Variants in ERMP1 observed in about 807,000 individuals in gnomAD.
ERMP1 encodes Felix-ina.
A neutral mutation model predicts 92.0 loss-of-function variants in ERMP1; 86 were observed. That is an observed-to-expected ratio of 0.93 (90% confidence interval 0.79 to 1.12). The LOEUF is 1.12. Among genes scored for constraint, ERMP1 ranks in the 50% most tolerant of loss-of-function variants. The pLI, the probability that ERMP1 is intolerant of heterozygous loss-of-function variation, is 0.00. For missense variants in ERMP1, 1,342 were observed against 1,116.3 expected (o/e 1.20, Z -2.88); for synonymous variants, 530 against 412.8 (o/e 1.28, Z -3.44).
chr9:5,825,953 T>C (rs775420931), intron 2 of ERMP1, among the ~76,000 whole-genome samples: 4 of 152,316 alleles, frequency 2.6e-5, no homozygotes, highest in South Asian at 2.1e-4. Flanking sequence ...ATTAAAGGAA[T>C]TGATTGGATA....
intron 6 of ERMP1, among the ~76,000 whole-genome samples, chr9:5,843,388 T>C (rs1830190204): frequency 1.3e-5 from 2 of 152,192 alleles, no homozygotes; most frequent in Non-Finnish European, 2.9e-5. Context: ...CCAAAGAAAA[T>C]AGGTGTGTAA....
chr9:5,805,486 T>C (rs1586786612), intron 9 of ERMP1, 125 bp downstream of exon 9: 2 of 800,004 alleles, frequency 2.5e-6, no homozygotes, highest in Non-Finnish European at 3.8e-6. Context: ...TTGTGTGGTA[T>C]GAAAACTTTT....
At position 5,832,815 on chromosome 9, in the gene ERMP1, C is replaced by T; in HGVS notation, c.213G>A (p.Val71=). ...SRGAGTGLSE[V]RAALGLALYL... Reference sequence around the variant, plus strand: ...AGAGCGCGAGCCCCAGCGCGGCGCGCACCTCAGACAGCCCGGTCCCCGCGC... The same window carrying T: ...AGAGCGCGAGCCCCAGCGCGGCGCGTACCTCAGACAGCCCGGTCCCCGCGC... The change falls in exon 1 of 15, where the codon GTG becomes GTA. Residue 71 remains valine, a synonymous_variant. Transcript: ENST00000339450. 2.0e-6 allele frequency: 3 copies of T among 1,502,014 alleles called. No homozygotes were observed. The highest frequency in any genetic ancestry group is 2.5e-5 in the South Asian group (2 of 80,352). 93.0% of individuals were successfully genotyped at this position (1,502,014 alleles called of 1,614,324 possible). A position where few individuals can be genotyped will look rare whatever the true frequency, so the allele number is the denominator to read the frequency against.
chr9:5,833,883 T>C (rs1830045470), upstream of ERMP1, among the ~76,000 whole-genome samples: 1 of 152,192 alleles, frequency 6.6e-6, no homozygotes, highest in Non-Finnish European at 1.5e-5. Flanking sequence ...AGCAGAGCCT[T>C]GGTTTCAGTG....
chr9:5,821,880 C>A (rs931110979), intron 4 of ERMP1, among the ~76,000 whole-genome samples: 2 of 152,214 alleles, frequency 1.3e-5, no homozygotes, highest in African/African-American at 4.8e-5. Flanking sequence ...TGTCCTCTCT[C>A]CTTCAGAATT....
At chr9:5,835,396 G>C (rs1232378537), upstream of ERMP1, among the ~76,000 whole-genome samples, 3 of 152,132 alleles carry the variant, frequency 2.0e-5, no homozygotes, top group East Asian at 3.9e-4. Flanking sequence ...AGAGAGTTAA[G>C]TGCCATAAAG....
intron 5 of ERMP1, 112 bp downstream of exon 5, chr9:5,812,777 A>C (rs1829146548): frequency 8.4e-7 from 1 of 1,187,364 alleles, no homozygotes. Context: ...TATATTTCTC[A>C]CATAAAGAAT....
At position 5,786,118 on chromosome 9, in the gene ERMP1, A is replaced by AAAACT. The variant is rs1290053165; in HGVS notation, c.*1021_*1025dup. ...TCTGCTGGATAGTAAGTTACTGAGAAAAACTAATCTATTCAACTGGCTGGA... is the reference window on the plus strand; with the variant it reads ...TCTGCTGGATAGTAAGTTACTGAGAAAAACTAAACTAATCTATTCAACTGGCTGGA... On this transcript the variant is annotated 3_prime_UTR_variant, in exon 15 of 15. Transcript: ENST00000339450. 1 of 152,184 alleles carries AAAACT rather than the reference A, an allele frequency of 6.6e-6. No homozygotes were observed. The highest frequency in any genetic ancestry group is 1.5e-5 in the Non-Finnish European group (1 of 68,074). The allele number at this position is 152,184 out of a possible 1,614,324, so 9.4% of individuals were successfully genotyped here. A position where few individuals can be genotyped will look rare whatever the true frequency, so the allele number is the denominator to read the frequency against.
At chr9:5,819,103 A>G (rs987104907) in intron 4 of ERMP1, among the ~76,000 whole-genome samples, 4 of 152,262 alleles carry the variant, frequency 2.6e-5, no homozygotes, top group Admixed American at 1.3e-4. Flanking sequence ...ACGTTTACAC[A>G]AAGACTTACA....
rs1829909732 is a variant in ERMP1, at chr9:5,830,806, C to T, written c.561G>A (p.Val187=). 2 of 1,613,894 alleles carry T rather than the reference C, an allele frequency of 1.2e-6. No individual in the cohort carries two copies. Among genetic ancestry groups the T allele is most frequent in the Admixed American group, 3.3e-5 (2 of 59,998 alleles). Residue 187 remains valine, a synonymous_variant, in exon 2 of 15, where the codon GTG becomes GTA. Coordinates refer to ENST00000339450, the MANE Select transcript of ERMP1 (RefSeq NM_024896.3). The part of the protein sequence containing the change: ...TSYYDNITNV[V]VKLEPRDGAQ... ...CTCCATCTCTGGGTTCCAGCTTTAC[C>T]ACAACATTGGTGATGTTGTCATAAT...
chr9:5,829,609 G>A (rs371167826), intron 2 of ERMP1, among the ~76,000 whole-genome samples: 1 of 152,202 alleles, frequency 6.6e-6, no homozygotes, highest in Non-Finnish European at 1.5e-5. Context: ...TTACACAGAT[G>A]AGAAACTAAG....
In ERMP1 at chr9:5,787,096, G is replaced by A. The variant is rs1827971013; in HGVS notation, c.*48C>T. On this transcript the variant is annotated 3_prime_UTR_variant, in exon 15 of 15. Coordinates refer to ENST00000339450, the MANE Select transcript of ERMP1 (RefSeq NM_024896.3). ...TCCACGTAACATAGGGAGAAACCAT[G>A]TCACATGGAGTATCCACTGGGCATG... 6.6e-7 allele frequency: 1 copy of A among 1,522,102 alleles called. No homozygotes were observed. 94.3% of individuals were successfully genotyped at this position (1,522,102 alleles called of 1,614,324 possible).
intron 5 of ERMP1, 191 bp downstream of exon 5, chr9:5,812,698 G>T: frequency 1.5e-6 from 1 of 647,998 alleles, no homozygotes; most frequent in Admixed American, 2.4e-5. Flanking sequence ...ACATATTTTA[G>T]AGGAGGCCAG....
Position 5,832,675 on chromosome 9 carries a change from G to T in ERMP1, c.338+15C>A, listed in dbSNP as rs528358613. On this transcript the variant is annotated intron_variant, in intron 1 of 14. Coordinates refer to ENST00000339450, the MANE Select transcript of ERMP1 (RefSeq NM_024896.3). The stretch of plus-strand genomic sequence containing the variant: ...AACGGACGCGCGGGCCGTGCCAGGA[G>T]GGAGCGGCCGGTACCTGGCTTGGAG... 3 of 1,412,132 alleles carry T rather than the reference G, an allele frequency of 2.1e-6. No individual in the cohort carries two copies. The highest frequency in any genetic ancestry group is 3.0e-5 in the African/African-American group (2 of 66,586). 87.5% of individuals were successfully genotyped at this position (1,412,132 alleles called of 1,614,324 possible).
Position 5,805,591 on chromosome 9 carries a change from C to T in ERMP1, c.1723+20G>A. ...TTTTAAGGTATTCTCCCATGTATAT[C>T]AAAATCAAAAATACCCTACCATGCT... On this transcript the variant is annotated intron_variant, in intron 9 of 14. Coordinates refer to ENST00000339450, the MANE Select transcript of ERMP1 (RefSeq NM_024896.3). The T allele has an allele frequency of 6.5e-7, 1 of 1,545,052 alleles. No homozygotes were observed. Among genetic ancestry groups the T allele is most frequent in the Non-Finnish European group, 8.7e-7 (1 of 1,154,326 alleles).
chr9:5,811,387 T>C lies in ERMP1; in HGVS notation c.1115-64A>G, dbSNP rs1586796227. ...AAAGATAAAAAGGCTGAATAAACTATTTGTGATTTACACATACCACTATTT... is the reference window on the plus strand; with the variant it reads ...AAAGATAAAAAGGCTGAATAAACTACTTGTGATTTACACATACCACTATTT... On this transcript the variant is annotated intron_variant, in intron 6 of 14. Coordinates refer to ENST00000339450, the MANE Select transcript of ERMP1 (RefSeq NM_024896.3). 4.0e-6 allele frequency: 5 copies of C among 1,261,458 alleles called. No homozygotes were observed. In the East Asian group the frequency reaches 1.2e-4, roughly 30 times the overall value. 78.1% of individuals were successfully genotyped at this position (1,261,458 alleles called of 1,614,324 possible).
intron 13 of ERMP1, among the ~76,000 whole-genome samples, chr9:5,790,892 C>T (rs186270360): frequency 2.6e-5 from 4 of 152,182 alleles, no homozygotes; most frequent in Admixed American, 6.5e-5. Context: ...TTTATATCTT[C>T]ATAGAGATGA....
At chr9:5,809,234 A>C (rs1272172493) in intron 8 of ERMP1, among the ~76,000 whole-genome samples, 3 of 151,150 alleles carry the variant, frequency 2.0e-5, no homozygotes, top group Middle Eastern at 3.5e-3. Context: ...GTTAGCCAGG[A>C]TGGTCTCGAT....
chr9:5,826,968 A>T (rs1042824904), intron 2 of ERMP1, among the ~76,000 whole-genome samples: 3 of 152,226 alleles, frequency 2.0e-5, no homozygotes, highest in Non-Finnish European at 4.4e-5. Context: ...GAAAGTTAAG[A>T]GGACAGTATC....
Sources: allele counts gnomAD v4.1 joint callset (sites outside exome capture counted in the v4.1 genomes callset), GRCh38; gene constraint gnomAD v4.1.1; transcripts MANE v1.5; gene names NCBI Gene and HGNC (gene_info 2026-07-23, HGNC 2026-07-21).